ABCA2: variants seen among roughly 807,000 people sequenced by gnomAD.
ABCA2 encodes the protein ATP-binding cassette sub-family A member 2.
A neutral mutation model predicts 262.8 loss-of-function variants in ABCA2; 84 were observed. The ratio of observed to expected loss-of-function variants is 0.32; its 90% CI spans 0.27 to 0.38. The LOEUF is 0.38. Among genes scored for constraint, ABCA2 ranks in the 10% least tolerant of loss-of-function variants. ABCA2 has a pLI of 1.00. For synonymous variants in ABCA2, 1,696 were observed against 1,502.9 expected (o/e 1.13, Z -2.97); for missense variants, 2,662 against 3,405.9 (o/e 0.78, Z 5.44).
Position 137,014,380 on chromosome 9 carries a change from A to C in ABCA2, c.4028T>G (p.Val1343Gly). ...EADVKESRKD[V>G]LPGAEGPASG... ...CGCCGGGCCCTCCGCCCCAGGGAGC[A>C]CATCCTTCCTGGACTCCTTCACATC... The change falls in exon 27 of 49, where the codon GTG (valine) becomes GGG (glycine). Residue 1343 changes from valine to glycine, a missense_variant. Around this residue, in one of 12 missense-constraint regions of ABCA2, gnomAD observed 297 missense variants for 286.5 expected, o/e 1.04. Coordinates refer to ENST00000341511, the MANE Select transcript of ABCA2 (RefSeq NM_001606.5). The C allele has an allele frequency of 6.3e-7, 1 of 1,594,668 alleles. No homozygotes were observed.
Position 137,018,900 on chromosome 9 carries a change from C to A in ABCA2, c.1722+3G>T. The stretch of plus-strand genomic sequence containing the variant: ...GGGTTGGCTCGGAGGCCCCACCGCT[C>A]ACCTTGGACATGAACTGGATCCAGC... On this transcript the variant is annotated splice_donor_region_variant and intron_variant, in intron 12 of 48. Transcript: ENST00000341511. 6.2e-7 allele frequency: 1 copy of A among 1,612,096 alleles called. No homozygotes were observed. The highest frequency in any genetic ancestry group is 8.5e-7 in the Non-Finnish European group (1 of 1,179,332).
chr9:137,014,582 A>AC, intron 26 of ABCA2, 108 bp downstream of exon 26: 1 of 1,500,222 alleles, frequency 6.7e-7, no homozygotes, highest in Non-Finnish European at 8.9e-7. Flanking sequence ...CCTGGCTTCC[A>AC]CCCAGGACCA....
chr9:137,012,866 A>G lies in ABCA2; in HGVS notation c.4927T>C (p.Cys1643Arg). 6.3e-7 allele frequency: 1 copy of G among 1,595,278 alleles called. No homozygotes were observed. The highest frequency in any genetic ancestry group is 8.6e-7 in the Non-Finnish European group (1 of 1,169,436). Residue 1643 changes from cysteine to arginine, a missense_variant, in exon 31 of 49, where the codon TGC becomes CGC. Around this residue, in one of 12 missense-constraint regions of ABCA2, gnomAD observed 192 missense variants for 207.2 expected, o/e 0.93. Coordinates refer to ENST00000341511, the MANE Select transcript of ABCA2 (RefSeq NM_001606.5). The stretch of plus-strand genomic sequence containing the variant: ...GAGAAGCCGGTGCCCTGCGCAGAGC[A>G]GGTGCAGCGGACGGGCTCCCGTACC... Reference protein sequence around the residue: ...RLVREPVRCTCSAQGTGFSCP... With the variant: ...RLVREPVRCTRSAQGTGFSCP...
Position 137,017,783 on chromosome 9 carries a change from G to A in ABCA2, c.2211+4C>T, listed in dbSNP as rs370270454. On this transcript the variant is annotated splice_donor_region_variant and intron_variant, in intron 16 of 48. Transcript: ENST00000341511. The stretch of plus-strand genomic sequence containing the variant: ...GCCTCCAGGGAGAGTCCCGGCCCGC[G>A]CACCTCCTTGAGCCGGTGCTCCTTC... 16 of 1,612,122 alleles carry A rather than the reference G, an allele frequency of 9.9e-6. No individual in the cohort carries two copies. The highest frequency in any genetic ancestry group is 3.3e-4 in the Middle Eastern group (2 of 6,080).
chr9:137,015,184 G>A, intron 24 of ABCA2, 87 bp from the exon 25 acceptor site: 4 of 1,424,280 alleles, frequency 2.8e-6, no homozygotes, highest in Non-Finnish European at 3.8e-6. Flanking sequence ...TCAAGATATG[G>A]GCATTGGAGA....
upstream of ABCA2, chr9:137,028,574 G>T: frequency 1.3e-6 from 1 of 775,160 alleles, no homozygotes; most frequent in Non-Finnish European, 1.7e-6. The surrounding 1 kb of genome is among the most constrained non-coding windows in gnomAD (Gnocchi z 6.9). Flanking sequence ...TGCGCCCACC[G>T]CGCTGGCGAC....
intron 1 of ABCA2, 75 bp downstream of exon 1, chr9:137,028,000 T>C: frequency 1.2e-6 from 1 of 841,070 alleles, no homozygotes; most frequent in Non-Finnish European, 1.4e-6. Flanking sequence ...CGTCCGCACG[T>C]GCGCGCGGGG....
chr9:137,010,881 A>AAACCAGG, intron 39 of ABCA2, 92 bp downstream of exon 39: 1 of 273,676 alleles, frequency 3.7e-6, no homozygotes, highest in Non-Finnish European at 6.3e-6. Context: ...CTCCTGCCCC[A>AAACCAGG]TCCCTGCCCC....
chr9:137,025,889 G>A (rs1011601378), intron 1 of ABCA2, among the ~76,000 whole-genome samples: 5 of 152,198 alleles, frequency 3.3e-5, no homozygotes, highest in African/African-American at 4.8e-5. Flanking sequence ...GGTTACAGGC[G>A]GCAGCACAGG....
chr9:137,021,727 C>G lies in ABCA2; in HGVS notation c.679-117G>C. On this transcript the variant is annotated intron_variant, in intron 7 of 48. Transcript: ENST00000341511. The surrounding 1 kb of genome is among the most constrained non-coding windows in gnomAD (Gnocchi z 6.0). ...TGGCTCTGGGGCTGCCTGGGTCCCA[C>G]GACATGCCTCTACCCCTCATGCCTG... The G allele has an allele frequency of 7.9e-7, 1 of 1,262,768 alleles. No homozygotes were observed. The highest frequency in any genetic ancestry group is 2.6e-4 in the Middle Eastern group (1 of 3,794). The allele number at this position is 1,262,768 out of a possible 1,614,324, so 78.2% of individuals were successfully genotyped here.
At position 137,022,933 on chromosome 9, in the gene ABCA2, G is replaced by GC; in HGVS notation, c.275+7dup. On this transcript the variant is annotated splice_region_variant and intron_variant, in intron 4 of 48. Coordinates refer to ENST00000341511, the MANE Select transcript of ABCA2 (RefSeq NM_001606.5). The stretch of plus-strand genomic sequence containing the variant: ...GGTGGGTGCTCCGAGGGGCGGGTGG[G>GC]CACTCACGTGGAGTTGGCGTACTGC... The GC allele has an allele frequency of 6.4e-7, 1 of 1,564,224 alleles. No homozygotes were observed. Among genetic ancestry groups the GC allele is most frequent in the Non-Finnish European group, 8.7e-7 (1 of 1,154,410 alleles).
chr9:137,011,485 G>T lies in ABCA2; in HGVS notation c.5721C>A (p.Phe1907Leu), dbSNP rs1157218393. 1 of 1,607,792 alleles carries T rather than the reference G, an allele frequency of 6.2e-7. No individual in the cohort carries two copies. Among genetic ancestry groups the T allele is most frequent in the Non-Finnish European group, 8.5e-7 (1 of 1,177,460 alleles). Residue 1907 changes from phenylalanine (F) to leucine (L), a missense_variant, in exon 37 of 49, where the codon TTC becomes TTA. Phe to Leu is a conservative substitution (Grantham distance 22, BLOSUM62 0). Around this residue, in one of 12 missense-constraint regions of ABCA2, gnomAD observed 602 missense variants for 897.4 expected, o/e 0.67. Transcript: ENST00000341511. The surrounding 1 kb of genome is among the most constrained non-coding windows in gnomAD (Gnocchi z 8.8). ...CGATGAAGAGATTGATGACAATGAGGAACACGTAGGCGGAGCTGGGGACCT... is the reference window on the plus strand; with the variant it reads ...CGATGAAGAGATTGATGACAATGAGTAACACGTAGGCGGAGCTGGGGACCT... ...WFEVPSSAYVFLIVINLFIGI... is the reference protein window; with the variant it reads ...WFEVPSSAYVLLIVINLFIGI...
rs377175374 is a variant in ABCA2, at chr9:137,011,835, C to A, written c.5535+9G>T. On this transcript the variant is annotated intron_variant, in intron 35 of 48. Transcript: ENST00000341511. This position sits in a 1 kb window ranked among gnomAD's most constrained non-coding sequence, Gnocchi z 8.8. The stretch of plus-strand genomic sequence containing the variant: ...GGGCCGGGGCACCCCATGGCCACGC[C>A]GGGCGCACCATGTCCCACACGTAGT... 12 of 1,572,812 alleles carry A rather than the reference C, an allele frequency of 7.6e-6. No homozygotes were observed. In the Admixed American group the frequency reaches 2.2e-4, roughly 29 times the overall value.
Position 137,018,651 on chromosome 9 carries a change from C to T in ABCA2, c.1819+68G>A, listed in dbSNP as rs556149254. 1.1e-3 allele frequency: 974 copies of T among 913,170 alleles called. 7 individuals carry two copies. In the East Asian group the frequency reaches 0.058, roughly 55 times the overall value. 56.6% of individuals were successfully genotyped at this position (913,170 alleles called of 1,614,324 possible). A position where few individuals can be genotyped will look rare whatever the true frequency, so the allele number is the denominator to read the frequency against. ...CAAGGAGTGGGAGGGCACAGGGGGACGGGTGGGGCTGGGCTGGGGAGGAAG... is the reference window on the plus strand; with the variant it reads ...CAAGGAGTGGGAGGGCACAGGGGGATGGGTGGGGCTGGGCTGGGGAGGAAG... On this transcript the variant is annotated intron_variant, in intron 13 of 48. Coordinates refer to ENST00000341511, the MANE Select transcript of ABCA2 (RefSeq NM_001606.5).
intron 9 of ABCA2, 39 bp downstream of exon 9, chr9:137,020,655 G>A (rs755353122): frequency 4.4e-6 from 7 of 1,594,180 alleles, no homozygotes; most frequent in Non-Finnish European, 5.9e-6. Flanking sequence ...CCTGCCCCTG[G>A]CTGTCCTCCT....
chr9:137,023,983 G>T, intron 2 of ABCA2, 143 bp from the exon 3 acceptor site: 1 of 1,534,730 alleles, frequency 6.5e-7, no homozygotes, highest in Non-Finnish European at 8.8e-7. Context: ...GACCTCCACA[G>T]CCCAGCCAGG....
In ABCA2 at chr9:137,008,629, G is replaced by C. The variant is rs1006945343; in HGVS notation, c.7069-7C>G. Reference sequence around the variant, plus strand: ...TGGCAAAGTTCACGAACACCTGGTGGGTGGCGCAGGCGTGTGGGGAGGGGG... The same window carrying C: ...TGGCAAAGTTCACGAACACCTGGTGCGTGGCGCAGGCGTGTGGGGAGGGGG... On this transcript the variant is annotated splice_polypyrimidine_tract_variant and splice_region_variant and intron_variant, in intron 47 of 48. Transcript: ENST00000341511. 2 of 1,602,956 alleles carry C rather than the reference G, an allele frequency of 1.2e-6. No individual in the cohort carries two copies. Among genetic ancestry groups the C allele is most frequent in the African/African-American group, 2.7e-5 (2 of 74,762 alleles).
chr9:137,007,710 G>A lies in ABCA2; in HGVS notation c.*219C>T. ...GCAAAGCAGGGCAAGGGTGTACGCA[G>A]CCCGGGCCGGGTCAGCCTTTGGCAC... is the stretch of plus-strand genomic sequence containing the variant. On this transcript the variant is annotated 3_prime_UTR_variant, in exon 49 of 49. Transcript: ENST00000341511. 1.5e-6 allele frequency: 1 copy of A among 654,016 alleles called. No individual in the cohort carries two copies. The highest frequency in any genetic ancestry group is 2.7e-6 in the Non-Finnish European group (1 of 374,928). 40.5% of individuals were successfully genotyped at this position (654,016 alleles called of 1,614,324 possible). A position where few individuals can be genotyped will look rare whatever the true frequency, so the allele number is the denominator to read the frequency against.
intron 1 of ABCA2, among the ~76,000 whole-genome samples, chr9:137,025,619 G>T (rs1012812309): frequency 1.3e-5 from 2 of 152,238 alleles, no homozygotes; most frequent in African/African-American, 4.8e-5. Context: ...CCTGAGCCAG[G>T]ACGGAGCCCA....
Sources: allele counts gnomAD v4.1 joint callset (sites outside exome capture counted in the v4.1 genomes callset), GRCh38; gene constraint gnomAD v4.1.1; regional missense constraint gnomAD v4.1.1; non-coding constraint Gnocchi (gnomAD v3.1); transcripts MANE v1.5; gene names NCBI Gene and HGNC (gene_info 2026-07-23, HGNC 2026-07-21).